PKIB: variants seen among roughly 807,000 people sequenced by gnomAD.
The protein encoded by PKIB is cAMP-dependent protein kinase inhibitor beta.
A neutral mutation model predicts 4.5 loss-of-function variants in PKIB; 2 were observed. That is an observed-to-expected ratio of 0.44 (90% CI 0.18 to 1.39). The LOEUF is 1.39. PKIB is among the 40% of genes most tolerant of loss of function. The probability of loss-of-function intolerance (pLI) is 0.27; values close to 1 mark genes in which losing one functional copy is unlikely to be tolerated. For synonymous variants in PKIB, 38 were observed against 36.0 expected (o/e 1.06, Z -0.20); for missense variants, 94 against 92.6 (o/e 1.02, Z -0.06).
intron 3 of PKIB, among the ~76,000 whole-genome samples, chr6:122,682,201 G>C (rs2114976170): frequency 6.6e-6 from 1 of 152,162 alleles, no homozygotes; most frequent in South Asian, 2.1e-4. Context: ...TTACAGATAG[G>C]TGGAGGAAGG....
At chr6:122,599,093 G>T (rs1346845594) in intron 3 of PKIB, among the ~76,000 whole-genome samples, 1 of 152,138 alleles carries the variant, frequency 6.6e-6, no homozygotes, top group African/African-American at 2.4e-5. Context: ...GCAAACAGAG[G>T]TGTTGGGGGT....
intron 4 of PKIB, among the ~76,000 whole-genome samples, chr6:122,721,543 G>A (rs1779743582): frequency 6.6e-6 from 1 of 151,998 alleles, no homozygotes; most frequent in Non-Finnish European, 1.5e-5. Flanking sequence ...GGCCATCTCT[G>A]AAGAAGCATC....
chr6:122,511,201 GT>G (rs904484604), intron 2 of PKIB, among the ~76,000 whole-genome samples: 2 of 152,038 alleles, frequency 1.3e-5, no homozygotes, highest in African/African-American at 4.8e-5. Context: ...TTTTCTATTT[GT>G]TTTTTAAGGT....
chr6:122,610,303 G>T (rs1774694283), upstream of PKIB: 1 of 152,230 alleles, frequency 6.6e-6, no homozygotes, highest in Admixed American at 6.5e-5. Flanking sequence ...GCGGGACACC[G>T]CCTGGGGAGC....
rs142542177 is a variant in PKIB at position 122,705,564 on chromosome 6, C to CT, written c.-8-12203dup. Among the ~76,000 whole-genome samples the CT allele has an allele frequency of 6.3e-3, 710 of 113,372 alleles. 21 individuals are homozygous for CT. The highest frequency in any genetic ancestry group is 0.015 in the African/African-American group (425 of 27,708). 74.4% of individuals were successfully genotyped at this position (113,372 alleles called of 152,430 possible). On this transcript the variant is annotated intron_variant, in intron 3 of 4. Coordinates refer to ENST00000368452, the MANE Select transcript of PKIB (RefSeq NM_181795.3). ...CTGTCTCTATTTTCAGAAAGCGCAT[C>CT]TTTTTTTTTTTTTTTTTTTTGAGAC...
At chr6:122,519,231 G>A (rs146086789) in intron 2 of PKIB, among the ~76,000 whole-genome samples, 217 of 152,206 alleles carry the variant, frequency 1.4e-3, no homozygotes, top group African/African-American at 5.0e-3. Flanking sequence ...GATCTAGCTT[G>A]TGCCTTCTTA....
At chr6:122,521,698 A>G (rs1022257686) in intron 2 of PKIB, among the ~76,000 whole-genome samples, 1 of 152,002 alleles carries the variant, frequency 6.6e-6, no homozygotes, top group African/African-American at 2.4e-5. Flanking sequence ...TAATAATAAT[A>G]ATAAAAGAAG....
chr6:122,480,356 T>G (rs191109509), intron 2 of PKIB: 4 of 152,308 alleles, frequency 2.6e-5, no homozygotes, highest in Admixed American at 1.3e-4. Flanking sequence ...GTCAAATTTT[T>G]TAATAAAATT....
At chr6:122,495,852 T>C (rs1776063546) in intron 2 of PKIB, among the ~76,000 whole-genome samples, 1 of 152,134 alleles carries the variant, frequency 6.6e-6, no homozygotes, top group African/African-American at 2.4e-5. Flanking sequence ...AAACAGGTGT[T>C]TCCCATGGCT....
intron 2 of PKIB, among the ~76,000 whole-genome samples, chr6:122,653,204 A>G (rs1005647415): frequency 5.3e-5 from 8 of 152,206 alleles, no homozygotes; most frequent in Admixed American, 5.2e-4. Context: ...TAAAAAGAAA[A>G]TAATGAGGTT....
intron 2 of PKIB, among the ~76,000 whole-genome samples, chr6:122,504,369 G>A (rs1776336611): frequency 6.6e-6 from 1 of 152,000 alleles, no homozygotes; most frequent in Non-Finnish European, 1.5e-5. Flanking sequence ...AGGGACTATG[G>A]GCCTTGACTA....
chr6:122,700,888 C>T (rs1340316650), intron 3 of PKIB, among the ~76,000 whole-genome samples: 1 of 152,144 alleles, frequency 6.6e-6, no homozygotes, highest in Non-Finnish European at 1.5e-5. Flanking sequence ...CCAGTAAAGT[C>T]ATTAGTCTAT....
chr6:122,701,221 C>A, intron 3 of PKIB: 1 of 459,738 alleles, frequency 2.2e-6, no homozygotes, highest in Non-Finnish European at 4.0e-6. Context: ...CTTGGTTCTC[C>A]ATGGTGTGGC....
At chr6:122,675,772 T>A (rs558133527) in intron 3 of PKIB, among the ~76,000 whole-genome samples, 50 of 152,210 alleles carry the variant, frequency 3.3e-4, no homozygotes, top group Admixed American at 1.2e-3. Flanking sequence ...TTTTATTAGA[T>A]AAATTTAGAA....
chr6:122,589,711 C>G (rs1773961719), intron 3 of PKIB, among the ~76,000 whole-genome samples: 1 of 152,022 alleles, frequency 6.6e-6, no homozygotes, highest in Non-Finnish European at 1.5e-5. Flanking sequence ...TAGGCCGGCT[C>G]ATGTTTCACA....
rs1326181872 is a variant in PKIB, at chr6:122,708,801, T to G, written c.-8-8986T>G. On this transcript the variant is annotated intron_variant, in intron 3 of 4. Transcript: ENST00000368452. ...GGCATGCGTCACCACGCCTGGCTAA[T>G]TTTTGTATTTTTAGTAGATACTGGC... 3.3e-5 allele frequency among the ~76,000 whole-genome samples: 5 copies of G among 152,152 alleles called. No homozygotes were observed. The East Asian group carries it at 9.7e-4, about 29-fold the overall frequency.
intron 2 of PKIB, among the ~76,000 whole-genome samples, chr6:122,652,290 GTT>G (rs1776585612): frequency 4.2e-5 from 2 of 47,620 alleles, no homozygotes; most frequent in African/African-American, 1.6e-4. Flanking sequence ...ATATATGTTG[GTT>G]TGTGTGTGTG....
intron 2 of PKIB, among the ~76,000 whole-genome samples, chr6:122,660,499 C>A (rs913471214): frequency 6.6e-6 from 1 of 152,106 alleles, no homozygotes; most frequent in Admixed American, 6.5e-5. Context: ...GATACGGTCA[C>A]GTTCTCCATG....
chr6:122,478,649 T>G (rs993536075), intron 2 of PKIB: 3 of 152,156 alleles, frequency 2.0e-5, no homozygotes, highest in Non-Finnish European at 4.4e-5. Context: ...GGAAATATCC[T>G]TTAAGAAGTA....
Sources: allele counts gnomAD v4.1 joint callset (sites outside exome capture counted in the v4.1 genomes callset), GRCh38; gene constraint gnomAD v4.1.1; transcripts MANE v1.5; gene names NCBI Gene and HGNC (gene_info 2026-07-23, HGNC 2026-07-21).